Variants in RABEP2 observed in about 807,000 individuals in gnomAD.
RABEP2 encodes rab GTPase-binding effector protein 2.
In RABEP2, 57 loss-of-function variants were observed where a neutral mutation model predicts 74.1. The ratio of observed to expected loss-of-function variants is 0.77; its 90% confidence interval spans 0.62 to 0.96. The LOEUF (loss-of-function observed/expected upper bound fraction) is 0.96, where lower values mean the gene tolerates loss of function less well. Among genes scored for constraint, RABEP2 ranks in the 40% least tolerant of loss-of-function variants. The probability of loss-of-function intolerance (pLI) is 0.00; values close to 1 mark genes in which losing one functional copy is unlikely to be tolerated. For synonymous variants in RABEP2, 351 were observed against 344.0 expected (o/e 1.02, Z -0.23); for missense variants, 692 against 756.3 (o/e 0.91, Z 1.00).
At chr16:28,906,662 G>C (rs1244686688) in intron 8 of RABEP2, among the ~76,000 whole-genome samples, 2 of 152,284 alleles carry the variant, frequency 1.3e-5, no homozygotes, top group East Asian at 3.9e-4. Context: ...CTACTCCGGA[G>C]GCTGAGGCAG....
intron 3 of RABEP2, 93 bp from the exon 4 acceptor site, chr16:28,914,875 C>T: frequency 9.7e-7 from 1 of 1,026,834 alleles, no homozygotes; most frequent in Non-Finnish European, 1.5e-6. Flanking sequence ...CACATCAGCT[C>T]TCCTAATCCT....
intron 4 of RABEP2, 21 bp downstream of exon 4, chr16:28,914,651 G>GC (rs1284469814): frequency 1.2e-6 from 2 of 1,612,598 alleles, no homozygotes; most frequent in Non-Finnish European, 1.7e-6. Context: ...CTTCCCCAGC[G>GC]CCCCCTGGCC....
At chr16:28,923,154 T>C (rs978386722) in intron 2 of RABEP2, among the ~76,000 whole-genome samples, 7 of 152,198 alleles carry the variant, frequency 4.6e-5, no homozygotes, top group Admixed American at 6.5e-5. Flanking sequence ...ACACCTGTAA[T>C]CCCAGCACTT....
rs74823410 is a variant in RABEP2, at chr16:28,911,200, A to G, written c.895-21T>C. ...CGGCCCTGCCACAGACCCTGCCTTC[A>G]GCCTGCATCTCCCAGGAACTTGGCC... is the stretch of plus-strand genomic sequence containing the variant. On this transcript the variant is annotated intron_variant, in intron 5 of 12. Coordinates refer to ENST00000358201, the MANE Select transcript of RABEP2 (RefSeq NM_024816.3). 257 of 1,603,138 alleles carry G rather than the reference A, an allele frequency of 1.6e-4. 1 individual carries two copies. In the African/African-American group the frequency reaches 3.1e-3, roughly 19 times the overall value.
Position 28,914,473 on chromosome 16 carries a change from T to G in RABEP2, c.657A>C (p.Pro219=). The G allele has an allele frequency of 1.9e-6, 3 of 1,613,322 alleles. No individual in the cohort carries two copies. Among genetic ancestry groups the G allele is most frequent in the Non-Finnish European group, 2.5e-6 (3 of 1,179,844 alleles). ...PLEELSGDGG[P]AAEAFAHNCD... ...AGTTGTGAGCGAAGGCCTCAGCGGC[T>G]GGACCCCCATCTCCGCTCAGCTCCT... Residue 219 remains proline (P), a synonymous_variant, in exon 5 of 13, where the codon CCA becomes CCC. Transcript: ENST00000358201.
At chr16:28,914,035 G>A (rs956257255) in intron 5 of RABEP2, among the ~76,000 whole-genome samples, 2 of 150,132 alleles carry the variant, frequency 1.3e-5, no homozygotes, top group South Asian at 2.1e-4. Flanking sequence ...CCCAGCTTCC[G>A]AGTGGCTGGG....
chr16:28,924,347 T>C, intron 2 of RABEP2, 56 bp downstream of exon 2: 1 of 1,529,078 alleles, frequency 6.5e-7, no homozygotes, highest in South Asian at 1.1e-5. Context: ...CCCTTTCTCG[T>C]CATGCACTCC....
intron 3 of RABEP2, 36 bp from the exon 4 acceptor site, chr16:28,914,818 C>A (rs768511511): frequency 6.3e-7 from 1 of 1,585,542 alleles, no homozygotes; most frequent in South Asian, 1.1e-5. Flanking sequence ...ATAGTTCCCC[C>A]TCCAAAGTGC....
rs1964304111 is a variant in RABEP2 at position 28,910,995 on chromosome 16, G to C, written c.991-9C>G. On this transcript the variant is annotated splice_polypyrimidine_tract_variant and intron_variant, in intron 6 of 12. Coordinates refer to ENST00000358201, the MANE Select transcript of RABEP2 (RefSeq NM_024816.3). Reference sequence around the variant, plus strand: ...GCCAGGAGCACCTGCATCTGGGTTGGAGGGAGGGCGAAAGTGAGGGCAAGG... The same window carrying C: ...GCCAGGAGCACCTGCATCTGGGTTGCAGGGAGGGCGAAAGTGAGGGCAAGG... The C allele has an allele frequency of 1.9e-6, 3 of 1,610,180 alleles. No individual in the cohort carries two copies. The highest frequency in any genetic ancestry group is 2.7e-5 in the African/African-American group (2 of 74,894).
intron 2 of RABEP2, among the ~76,000 whole-genome samples, chr16:28,922,518 G>A (rs1203488642): frequency 1.3e-5 from 2 of 152,104 alleles, no homozygotes; most frequent in South Asian, 2.1e-4. Context: ...TCAGGAGATC[G>A]AGACCATCCT....
intron 5 of RABEP2, among the ~76,000 whole-genome samples, chr16:28,911,983 G>A (rs973482248): frequency 6.7e-6 from 1 of 149,848 alleles, no homozygotes; most frequent in Non-Finnish European, 1.5e-5. Flanking sequence ...ATGGTGGCTC[G>A]CACCTGTAAT....
intron 3 of RABEP2, chr16:28,918,064 T>G (rs1964418045): frequency 1.1e-5 from 1 of 88,628 alleles, no homozygotes; most frequent in Non-Finnish European, 2.3e-5. Flanking sequence ...TATAATTGTT[T>G]TTTTTTTTTT....
At position 28,919,865 on chromosome 16, in the gene RABEP2, T is replaced by A; in HGVS notation, c.353A>T (p.Lys118Met). Residue 118 changes from lysine to methionine, a missense_variant, in exon 3 of 13, where the codon AAG becomes ATG. Transcript: ENST00000358201. The stretch of plus-strand genomic sequence containing the variant: ...CTTCAGGCGGCCCAGCTCCCGCTCC[T>A]TCTCCTCACAGTCCTGCTGCTGCTG... Reference protein sequence around the residue: ...RQQQQQDCEEKERELGRLKQL... With the variant: ...RQQQQQDCEEMERELGRLKQL... The A allele has an allele frequency of 6.2e-7, 1 of 1,612,282 alleles. No individual in the cohort carries two copies.
chr16:28,922,511 G>A lies in RABEP2; in HGVS notation c.274+1892C>T, dbSNP rs1184317077. Among the ~76,000 whole-genome samples the A allele has an allele frequency of 2.6e-5, 4 of 152,150 alleles. No homozygotes were observed. The Middle Eastern group carries it at 0.014, about 518-fold the overall frequency. ...TCGAGGCAGGCAGATCACGAGGTCA[G>A]GAGATCGAGACCATCCTGGCTAACA... On this transcript the variant is annotated intron_variant, in intron 2 of 12. Transcript: ENST00000358201.
intron 2 of RABEP2, 42 bp from the exon 3 acceptor site, chr16:28,919,985 G>A: frequency 6.5e-7 from 1 of 1,533,452 alleles, no homozygotes; most frequent in Non-Finnish European, 8.8e-7. Flanking sequence ...GAGGGTCAAT[G>A]AGCCAGCCCT....
intron 2 of RABEP2, chr16:28,921,099 A>T (rs951319360): frequency 2.2e-6 from 1 of 448,656 alleles, no homozygotes; most frequent in Non-Finnish European, 4.5e-6. Context: ...CCTGAGCTCA[A>T]GCAATCCTCC....
At chr16:28,914,647 C>G (rs1324194427) in intron 4 of RABEP2, 25 bp downstream of exon 4, 1 of 1,612,850 alleles carries the variant, frequency 6.2e-7, no homozygotes, top group African/African-American at 1.3e-5. Context: ...CCTCCTTCCC[C>G]AGCGCCCCCT....
At chr16:28,919,685 C>T (rs928719938) in intron 3 of RABEP2, 101 bp downstream of exon 3, 2 of 1,346,428 alleles carry the variant, frequency 1.5e-6, no homozygotes, top group Non-Finnish European at 1.0e-6. Context: ...CCTAGAATCA[C>T]TGCTGGGTGC....
At chr16:28,917,407 G>A (rs1476045063) in intron 3 of RABEP2, among the ~76,000 whole-genome samples, 5 of 152,126 alleles carry the variant, frequency 3.3e-5, no homozygotes, top group African/African-American at 7.2e-5. Context: ...CAAGCAAGCT[G>A]TTTAATCCTC....
Sources: gnomAD v4.1 joint callset for allele counts (sites outside exome capture counted in the v4.1 genomes callset) on GRCh38, gnomAD v4.1.1 for gene constraint, MANE v1.5 for transcripts, NCBI Gene and HGNC (gene_info 2026-07-23, HGNC 2026-07-21) for gene names.